Variants in SYNE2 observed in about 807,000 individuals in gnomAD.
SYNE2 encodes spectrin repeat containing nuclear envelope protein 2.
Under a neutral mutation model 856.3 loss-of-function variants are expected in SYNE2, and 431 were observed. That is an observed-to-expected ratio of 0.50 (90% CI 0.47 to 0.55). SYNE2 has a LOEUF of 0.55. Among genes scored for constraint, SYNE2 ranks in the 20% least tolerant of loss-of-function variants. The pLI is 0.00. For synonymous variants in SYNE2, 2,923 were observed against 2,872.3 expected (o/e 1.02, Z -0.56); for missense variants, 8,129 against 8,023.2 (o/e 1.01, Z -0.50).
intron 79 of SYNE2, among the ~76,000 whole-genome samples, chr14:64,138,332 A>G (rs1465193662): frequency 1.3e-5 from 2 of 151,984 alleles, no homozygotes; most frequent in Non-Finnish European, 2.9e-5. Context: ...CCTGGACTCA[A>G]GCGATCCTCC....
At chr14:64,027,945 T>C in intron 43 of SYNE2, 152 bp downstream of exon 43, 2 of 688,466 alleles carry the variant, frequency 2.9e-6, no homozygotes, top group Non-Finnish European at 4.7e-6. Flanking sequence ...TCTCACTCTT[T>C]GCCCAGGCTG....
At chr14:63,930,090 GC>G (rs1309252543) in intron 2 of SYNE2, among the ~76,000 whole-genome samples, 1 of 152,054 alleles carries the variant, frequency 6.6e-6, no homozygotes, top group African/African-American at 2.4e-5. Context: ...TTCGAGACCA[GC>G]CTGGATGACA....
Position 64,030,075 on chromosome 14 carries a change from C to T in SYNE2, c.6879+16C>T. On this transcript the variant is annotated intron_variant, in intron 44 of 115. Transcript: ENST00000555002. ...GAAACTGCAGGTACTAAACGGTGTCCAGACATGATAGACATTTAAAAAAAA... is the reference window on the plus strand; with the variant it reads ...GAAACTGCAGGTACTAAACGGTGTCTAGACATGATAGACATTTAAAAAAAA... 2 of 1,612,746 alleles carry T rather than the reference C, an allele frequency of 1.2e-6. 1 individual carries two copies. The highest frequency in any genetic ancestry group is 2.2e-5 in the South Asian group (2 of 90,996).
chr14:64,174,821 T>G (rs2098426348), intron 94 of SYNE2, 123 bp from the exon 95 acceptor site: 4 of 855,234 alleles, frequency 4.7e-6, no homozygotes, highest in Non-Finnish European at 7.4e-6. Context: ...CTGACCCAAT[T>G]TGTCTAATTT....
At chr14:63,992,873 G>A (rs369756415) in intron 21 of SYNE2, among the ~76,000 whole-genome samples, 9 of 152,286 alleles carry the variant, frequency 5.9e-5, no homozygotes, top group Admixed American at 6.5e-5. Flanking sequence ...TGCCTTACCT[G>A]CAGCCGGTCC....
chr14:64,051,230 T>C (rs1335778926), intron 47 of SYNE2, among the ~76,000 whole-genome samples: 1 of 152,146 alleles, frequency 6.6e-6, no homozygotes, highest in Non-Finnish European at 1.5e-5. Context: ...CTTTACAATT[T>C]ACAAAATATT....
At chr14:64,135,908 A>G (rs2098083922) in intron 78 of SYNE2, among the ~76,000 whole-genome samples, 1 of 152,172 alleles carries the variant, frequency 6.6e-6, no homozygotes. Flanking sequence ...CCTAGGAGTC[A>G]GTTGTCTGGC....
chr14:64,027,825 T>C, intron 43 of SYNE2, 32 bp downstream of exon 43: 3 of 1,546,492 alleles, frequency 1.9e-6, no homozygotes, highest in Non-Finnish European at 2.7e-6. Flanking sequence ...TTTAAATGAT[T>C]GTTCTAATTA....
In SYNE2 at chr14:64,053,394, T is replaced by C; in HGVS notation, c.9481T>C (p.Ser3161Pro). 6.2e-7 allele frequency: 1 copy of C among 1,613,798 alleles called. No homozygotes were observed. Among genetic ancestry groups the C allele is most frequent in the Non-Finnish European group, 8.5e-7 (1 of 1,180,000 alleles). ...EKNCQDKLET[S>P]LHVLNQIKSQ... ...GAATTGTCAGGACAAACTAGAAACT[T>C]CCTTACATGTTTTAAATCAGATAAA... Residue 3161 changes from serine (S) to proline (P), a missense_variant, in exon 48 of 116, where the codon TCC becomes CCC. Physicochemically the swap from Ser to Pro is moderately conservative, Grantham distance 74. Around this residue, in one of 3 missense-constraint regions of SYNE2, gnomAD observed 5,410 missense variants for 5,284.8 expected, o/e 1.02. Coordinates refer to ENST00000555002, the MANE Select transcript of SYNE2 (RefSeq NM_182914.3).
At chr14:64,146,540 CA>C (rs1234360917) in intron 84 of SYNE2, among the ~76,000 whole-genome samples, 1 of 152,176 alleles carries the variant, frequency 6.6e-6, no homozygotes, top group Non-Finnish European at 1.5e-5. Context: ...TTTGTTTAAT[CA>C]TTTTGCCTAA....
At chr14:63,901,376 T>TA (rs2153323913) in intron 1 of SYNE2, among the ~76,000 whole-genome samples, 1 of 152,384 alleles carries the variant, frequency 6.6e-6, no homozygotes, top group Admixed American at 6.5e-5. Context: ...GTCATTTCAT[T>TA]AAAATAAAAG....
At chr14:64,086,436 T>C (rs956040808) in intron 57 of SYNE2, among the ~76,000 whole-genome samples, 2 of 152,222 alleles carry the variant, frequency 1.3e-5, no homozygotes, top group Admixed American at 6.5e-5. Flanking sequence ...GTAGCATCAA[T>C]TCTACAACTT....
intron 52 of SYNE2, among the ~76,000 whole-genome samples, chr14:64,072,947 T>C (rs149281584): frequency 4.3e-4 from 66 of 152,264 alleles, no homozygotes; most frequent in Non-Finnish European, 8.1e-4. Context: ...TAATGAAGGA[T>C]ACAGATAAAC....
chr14:63,955,465 T>G (rs995248394), intron 8 of SYNE2, among the ~76,000 whole-genome samples: 13 of 152,202 alleles, frequency 8.5e-5, no homozygotes, highest in Non-Finnish European at 1.6e-4. Flanking sequence ...AAATTAAGAT[T>G]TAAAAATTTT....
intron 11 of SYNE2, among the ~76,000 whole-genome samples, chr14:63,974,892 G>GTGTATATATATATATATATA (rs1375697679): frequency 1.4e-3 from 91 of 67,278 alleles, no homozygotes; most frequent in Non-Finnish European, 1.6e-3. Flanking sequence ...GTGTGTGTGT[G>GTGTATATATATATATATATA]TATATATATA....
chr14:63,844,086 T>C (rs1890153761), intron 1 of SYNE2, among the ~76,000 whole-genome samples: 1 of 152,230 alleles, frequency 6.6e-6, no homozygotes, highest in Non-Finnish European at 1.5e-5. Context: ...ATATACTCTT[T>C]GGATTTTGAC....
intron 7 of SYNE2, among the ~76,000 whole-genome samples, chr14:63,952,718 G>A (rs532464764): frequency 3.3e-5 from 5 of 152,274 alleles, no homozygotes; most frequent in Admixed American, 6.5e-5. Flanking sequence ...AAACATATTT[G>A]TTAGACAACA....
chr14:63,809,661 G>A (rs557185696), intron 1 of SYNE2, among the ~76,000 whole-genome samples: 33 of 152,028 alleles, frequency 2.2e-4, no homozygotes, highest in Non-Finnish European at 3.2e-4. Flanking sequence ...CACCATGATC[G>A]GCTAATTTTT....
intron 2 of SYNE2, among the ~76,000 whole-genome samples, chr14:63,922,506 A>G (rs1839763626): frequency 6.6e-6 from 1 of 152,166 alleles, no homozygotes; most frequent in African/African-American, 2.4e-5. Flanking sequence ...GTTTCTTAAG[A>G]TAGCCATGTG....
Sources: allele counts gnomAD v4.1 joint callset (sites outside exome capture counted in the v4.1 genomes callset), GRCh38; gene constraint gnomAD v4.1.1; regional missense constraint gnomAD v4.1.1; transcripts MANE v1.5; gene names NCBI Gene and HGNC (gene_info 2026-07-23, HGNC 2026-07-21).